The following DLG2 variants were observed in gnomAD, a reference collection of about 807,000 sequenced individuals.
DLG2 encodes the protein discs large MAGUK scaffold protein 2, also known as disks large homolog 2.
In DLG2, 45 loss-of-function variants were observed where a neutral mutation model predicts 132.5. That is an observed-to-expected ratio of 0.34 (90% confidence interval 0.27 to 0.44). The LOEUF is 0.44. Among genes scored for constraint, DLG2 ranks in the 20% least tolerant of loss-of-function variants. DLG2 has a pLI of 1.00. For missense variants in DLG2, 1,045 were observed against 1,196.9 expected, an observed-to-expected ratio of 0.87 and a Z score of 1.87; for synonymous variants, 424 against 419.6, an observed-to-expected ratio of 1.01 and a Z score of -0.13.
At chr11:85,033,380 T>C (rs1476033432) in intron 6 of DLG2, among the ~76,000 whole-genome samples, 2 of 88,090 alleles carry the variant, frequency 2.3e-5, no homozygotes, top group African/African-American at 4.8e-5. Flanking sequence ...AAACAATATA[T>C]CCTAGCAAAA....
At chr11:84,596,349 A>C (rs898101355) in intron 6 of DLG2, among the ~76,000 whole-genome samples, 1 of 149,844 alleles carries the variant, frequency 6.7e-6, no homozygotes, top group Admixed American at 6.7e-5. Context: ...TTGGGATTAC[A>C]GGTGTGTGTC....
At chr11:85,263,809 A>T (rs1271871461) in intron 4 of DLG2, among the ~76,000 whole-genome samples, 5 of 152,160 alleles carry the variant, frequency 3.3e-5, no homozygotes, top group Non-Finnish European at 7.4e-5. Flanking sequence ...AGGTCCCCAT[A>T]CGGGTCACCA....
rs150566774 is a variant in DLG2, at chr11:83,708,699, T to C, written c.1826-75374A>G. Among the ~76,000 whole-genome samples the C allele has an allele frequency of 5.3e-4, 80 of 152,338 alleles. No individual in the cohort carries two copies. In the East Asian group the frequency reaches 0.013, roughly 25 times the overall value. ...TTCCTTAAAGTACCTAATTAGCTAA[T>C]ACTACTTAATTACAATTTACATTTA... On this transcript the variant is annotated intron_variant, in intron 18 of 27. Transcript: ENST00000376104.
chr11:85,273,090 T>C (rs1353281040), intron 4 of DLG2, among the ~76,000 whole-genome samples: 2 of 152,146 alleles, frequency 1.3e-5, no homozygotes, highest in Non-Finnish European at 2.9e-5. Context: ...TTACACTTAA[T>C]ACAAAAATTA....
intron 19 of DLG2, among the ~76,000 whole-genome samples, chr11:83,552,243 G>A (rs1415649072): frequency 6.6e-6 from 1 of 152,168 alleles, no homozygotes; most frequent in African/African-American, 2.4e-5. Flanking sequence ...TAGGGCTATG[G>A]TGACAGTGAA....
At chr11:84,119,073 C>T (rs900500254) in intron 9 of DLG2, among the ~76,000 whole-genome samples, 3 of 152,030 alleles carry the variant, frequency 2.0e-5, no homozygotes, top group Non-Finnish European at 4.4e-5. Context: ...TAATGTTTCC[C>T]TCAAAGTTTT....
chr11:85,522,594 C>T (rs1266033807), intron 3 of DLG2, among the ~76,000 whole-genome samples: 1 of 152,194 alleles, frequency 6.6e-6, no homozygotes, highest in Non-Finnish European at 1.5e-5. Flanking sequence ...GGGCAGGAGG[C>T]TGTACCCTGC....
chr11:85,531,015 A>G (rs2075170060), intron 3 of DLG2, among the ~76,000 whole-genome samples: 1 of 152,216 alleles, frequency 6.6e-6, no homozygotes, highest in Non-Finnish European at 1.5e-5. Flanking sequence ...AAATAAAATA[A>G]AATTTTAAAA....
intron 16 of DLG2, among the ~76,000 whole-genome samples, chr11:83,866,043 C>A (rs1287896733): frequency 2.6e-5 from 4 of 151,966 alleles, no homozygotes; most frequent in Non-Finnish European, 4.4e-5. Context: ...AGTCAGATGC[C>A]CTATTATAGG....
intron 9 of DLG2, among the ~76,000 whole-genome samples, chr11:84,118,541 T>G (rs1273006699): frequency 4.6e-5 from 7 of 152,170 alleles, no homozygotes; most frequent in African/African-American, 1.7e-4. Flanking sequence ...AATATAAAAC[T>G]TTTCAATTCT....
At chr11:84,624,769 A>G (rs1412566373) in intron 6 of DLG2, among the ~76,000 whole-genome samples, 1 of 142,182 alleles carries the variant, frequency 7.0e-6, no homozygotes, top group Non-Finnish European at 1.5e-5. Context: ...AACCCACACC[A>G]CTCCCTCATC....
chr11:84,381,351 G>T (rs1473189526), intron 7 of DLG2, among the ~76,000 whole-genome samples: 1 of 151,950 alleles, frequency 6.6e-6, no homozygotes, highest in African/African-American at 2.4e-5. Context: ...GAGGAAAAGA[G>T]GTACACTCAC....
chr11:84,387,324 T>C (rs1047213496), intron 7 of DLG2, among the ~76,000 whole-genome samples: 17 of 152,106 alleles, frequency 1.1e-4, no homozygotes, highest in Middle Eastern at 3.2e-3. Flanking sequence ...ATAAATTACC[T>C]CTCTCCTGGA....
intron 20 of DLG2, among the ~76,000 whole-genome samples, chr11:83,539,870 T>C (rs971486290): frequency 3.3e-5 from 5 of 152,216 alleles, no homozygotes; most frequent in South Asian, 2.1e-4. Context: ...GCATTGAGAA[T>C]GTTCTTCTGG....
chr11:83,903,847 A>G (rs1322682710), intron 15 of DLG2, among the ~76,000 whole-genome samples: 1 of 152,300 alleles, frequency 6.6e-6, no homozygotes, highest in South Asian at 2.1e-4. Flanking sequence ...TCTTATCTTC[A>G]GTGGAAATGT....
chr11:84,861,632 A>AC (rs1555265016), intron 6 of DLG2, among the ~76,000 whole-genome samples: 49 of 66,486 alleles, frequency 7.4e-4, no homozygotes, highest in East Asian at 6.6e-3. Context: ...AAAAAAAAAA[A>AC]AAAAAAACAA....
chr11:84,292,196 G>A (rs561778036), intron 7 of DLG2, among the ~76,000 whole-genome samples: 7 of 152,268 alleles, frequency 4.6e-5, no homozygotes, highest in Non-Finnish European at 1.0e-4. Context: ...CAGGAATTTG[G>A]CAGAAAGACA....
At chr11:85,139,393 G>T (rs1412089250) in intron 5 of DLG2, among the ~76,000 whole-genome samples, 1 of 151,988 alleles carries the variant, frequency 6.6e-6, no homozygotes, top group Non-Finnish European at 1.5e-5. Flanking sequence ...TGCAATGCAA[G>T]ATCTTTAACA....
chr11:84,435,443 G>A (rs1221164987), intron 7 of DLG2, among the ~76,000 whole-genome samples: 3 of 152,032 alleles, frequency 2.0e-5, no homozygotes, highest in Non-Finnish European at 4.4e-5. Flanking sequence ...AAAATACCAA[G>A]ATGTTATTTC....
Sources: allele counts gnomAD v4.1 joint callset (sites outside exome capture counted in the v4.1 genomes callset), GRCh38; gene constraint gnomAD v4.1.1; transcripts MANE v1.5; gene names NCBI Gene and HGNC (gene_info 2026-07-23, HGNC 2026-07-21).